PMFBP1: variants seen among roughly 807,000 people sequenced by gnomAD.
PMFBP1 encodes the protein polyamine-modulated factor 1-binding protein 1.
In PMFBP1, 131 loss-of-function variants were observed where a neutral mutation model predicts 137.8. That is an observed-to-expected ratio of 0.95 (90% confidence interval 0.82 to 1.10). PMFBP1 has a LOEUF of 1.10. Ranked by LOEUF, PMFBP1 falls within the 50% of genes least tolerant of loss-of-function variation. PMFBP1 has a pLI of 0.00. For missense variants in PMFBP1, 1,199 were observed against 1,175.4 expected (o/e 1.02, Z -0.29); for synonymous variants, 490 against 450.4 (o/e 1.09, Z -1.11).
chr16:72,195,093 T>C, the PMFBP1 span, among the ~76,000 whole-genome samples: 1 of 152,214 alleles, frequency 6.6e-6, no homozygotes. Context: ...GACAGAGAAC[T>C]TGCCCCAGGG....
chr16:72,196,646 A>G, the PMFBP1 span, among the ~76,000 whole-genome samples: 37 of 152,348 alleles, frequency 2.4e-4, no homozygotes, highest in Non-Finnish European at 3.7e-4. Flanking sequence ...TTTCTTACAC[A>G]TGGGATGACT....
At chr16:72,124,392 C>T (rs994505122) in intron 17 of PMFBP1, among the ~76,000 whole-genome samples, 2 of 152,220 alleles carry the variant, frequency 1.3e-5, no homozygotes, top group African/African-American at 4.8e-5. Flanking sequence ...AACTTCACTG[C>T]TCAGGGAGGT....
At chr16:72,223,776 C>CT in the PMFBP1 span, among the ~76,000 whole-genome samples, 17 of 152,218 alleles carry the variant, frequency 1.1e-4, no homozygotes, top group South Asian at 3.5e-3. Context: ...GAGGATGGGG[C>CT]TACAGGACTT....
At chr16:72,239,915 A>AAAAAAAAAAAAAT in the PMFBP1 span, among the ~76,000 whole-genome samples, 1 of 145,050 alleles carries the variant, frequency 6.9e-6, no homozygotes, top group Non-Finnish European at 1.5e-5. Flanking sequence ...AAAAAAAAAA[A>AAAAAAAAAAAAAT]AAGAATGTTC....
the PMFBP1 span, among the ~76,000 whole-genome samples, chr16:72,216,851 A>C: frequency 9.2e-5 from 14 of 152,316 alleles, 1 homozygote; most frequent in South Asian, 2.9e-3. Context: ...TTGTAATTGC[A>C]ATTATTGCAG....
chr16:72,192,072 T>G, the PMFBP1 span, among the ~76,000 whole-genome samples: 1 of 152,218 alleles, frequency 6.6e-6, no homozygotes, highest in Non-Finnish European at 1.5e-5. Flanking sequence ...CTTGTGGCAT[T>G]CCTCTGACCC....
chr16:72,142,208 T>C lies in PMFBP1; in HGVS notation c.637-1626A>G, dbSNP rs1033797036. ...CTGTAAATAATGTTCATGTAGATAA[T>C]GCAGAGTCTACAGGGGCAAATGACT... is the stretch of plus-strand genomic sequence containing the variant. On this transcript the variant is annotated intron_variant, in intron 5 of 20. Coordinates refer to ENST00000237353, the MANE Select transcript of PMFBP1 (RefSeq NM_031293.3). 3.3e-5 allele frequency among the ~76,000 whole-genome samples: 5 copies of C among 152,010 alleles called. No homozygotes were observed. In the East Asian group the frequency reaches 5.8e-4, roughly 18 times the overall value.
chr16:72,148,999 G>A (rs995762016), intron 5 of PMFBP1, among the ~76,000 whole-genome samples: 5 of 152,190 alleles, frequency 3.3e-5, no homozygotes, highest in Non-Finnish European at 7.3e-5. Context: ...AGCTCTGTGG[G>A]GTTGGCTGAG....
chr16:72,148,749 C>T (rs1023796974), intron 5 of PMFBP1, among the ~76,000 whole-genome samples: 3 of 152,164 alleles, frequency 2.0e-5, no homozygotes, highest in Non-Finnish European at 2.9e-5. Flanking sequence ...GACCAATATG[C>T]TTATGAATAG....
intron 2 of PMFBP1, among the ~76,000 whole-genome samples, chr16:72,170,623 GGT>G (rs1185869829): frequency 2.0e-5 from 3 of 151,950 alleles, no homozygotes; most frequent in African/African-American, 7.3e-5. Flanking sequence ...TAGAGACAGG[GGT>G]CTTACCATGT....
the PMFBP1 span, among the ~76,000 whole-genome samples, chr16:72,238,546 T>C: frequency 6.6e-6 from 1 of 152,236 alleles, no homozygotes; most frequent in East Asian, 1.9e-4. Context: ...AGTCTATATG[T>C]CAGTAATCAA....
At chr16:72,161,637 T>C (rs2043063846) in intron 3 of PMFBP1, among the ~76,000 whole-genome samples, 1 of 152,200 alleles carries the variant, frequency 6.6e-6, no homozygotes, top group South Asian at 2.1e-4. Context: ...CCATATGTTC[T>C]TCATACAGCT....
At chr16:72,140,376 GT>G in intron 6 of PMFBP1, 35 bp downstream of exon 6, 1 of 1,566,220 alleles carries the variant, frequency 6.4e-7, no homozygotes, top group Non-Finnish European at 8.8e-7. Flanking sequence ...TTGATTGAGG[GT>G]CTCCCAGAGA....
chr16:72,142,153 C>T (rs532735149), intron 5 of PMFBP1, among the ~76,000 whole-genome samples: 1 of 152,092 alleles, frequency 6.6e-6, no homozygotes, highest in Non-Finnish European at 1.5e-5. Context: ...GAGCAAGCTG[C>T]AGGAAGGCCA....
chr16:72,177,536 G>C (rs2043263137), upstream of PMFBP1, among the ~76,000 whole-genome samples: 1 of 152,154 alleles, frequency 6.6e-6, no homozygotes, highest in South Asian at 2.1e-4. Flanking sequence ...AATAATTTTA[G>C]ATTTCCAGAA....
chr16:72,161,874 C>A (rs1370694363), intron 3 of PMFBP1, among the ~76,000 whole-genome samples: 1 of 152,120 alleles, frequency 6.6e-6, no homozygotes, highest in Non-Finnish European at 1.5e-5. Flanking sequence ...TAATAATGCC[C>A]ATCAAGATTC....
At chr16:72,131,514 G>T (rs1209398548) in intron 10 of PMFBP1, among the ~76,000 whole-genome samples, 1 of 152,168 alleles carries the variant, frequency 6.6e-6, no homozygotes, top group Non-Finnish European at 1.5e-5. Context: ...TGAGGGGAAG[G>T]CAGCTACAAA....
chr16:72,214,678 A>G, the PMFBP1 span, among the ~76,000 whole-genome samples: 1 of 152,248 alleles, frequency 6.6e-6, no homozygotes, highest in African/African-American at 2.4e-5. Flanking sequence ...AATACAGAGC[A>G]TGTGTAGGAC....
chr16:72,239,669 G>A, the PMFBP1 span, among the ~76,000 whole-genome samples: 2 of 151,838 alleles, frequency 1.3e-5, no homozygotes, highest in Non-Finnish European at 2.9e-5. Flanking sequence ...CGAGGCGGGT[G>A]GATCACAAGG....
Sources: gnomAD v4.1 joint callset for allele counts (sites outside exome capture counted in the v4.1 genomes callset) on GRCh38, gnomAD v4.1.1 for gene constraint, MANE v1.5 for transcripts, NCBI Gene and HGNC (gene_info 2026-07-23, HGNC 2026-07-21) for gene names.